The following COG5 variants were observed in gnomAD, a reference collection of about 807,000 sequenced individuals.
The protein encoded by COG5 is conserved oligomeric Golgi complex subunit 5.
In COG5, 86 loss-of-function variants were observed where a neutral mutation model predicts 110.4. That is an observed-to-expected ratio of 0.78 (90% CI 0.65 to 0.93). COG5 has a LOEUF of 0.93. Ranked by LOEUF, COG5 falls within the 40% of genes least tolerant of loss-of-function variation. The pLI is 0.00. For synonymous variants in COG5, 360 were observed against 334.6 expected (o/e 1.08, Z -0.83); for missense variants, 1,077 against 987.0 (o/e 1.09, Z -1.22).
chr7:107,400,188 AAGATACTTCCATAAGT>A (rs775551069), intron 7 of COG5, among the ~76,000 whole-genome samples: 2 of 152,200 alleles, frequency 1.3e-5, no homozygotes, highest in Non-Finnish European at 2.9e-5. Context: ...TGAACGTATA[AAGATACTTCCATAAGT>A]AATGACATAA....
chr7:107,377,096 T>C (rs1814700269), intron 7 of COG5, among the ~76,000 whole-genome samples: 1 of 152,148 alleles, frequency 6.6e-6, no homozygotes, highest in Non-Finnish European at 1.5e-5. Flanking sequence ...CAGGTACATA[T>C]GTTTGGTCCC....
intron 8 of COG5, among the ~76,000 whole-genome samples, chr7:107,367,816 A>G (rs917814566): frequency 2.6e-5 from 4 of 152,068 alleles, no homozygotes; most frequent in African/African-American, 9.7e-5. Context: ...GCTAAAAAAC[A>G]GCATATTAGT....
chr7:107,236,229 A>G (rs1041134557), intron 18 of COG5, among the ~76,000 whole-genome samples: 2 of 152,212 alleles, frequency 1.3e-5, no homozygotes, highest in African/African-American at 4.8e-5. Context: ...TTGAAATACC[A>G]AAGAGAGGGA....
chr7:107,468,858 T>C (rs1796459668), intron 6 of COG5, among the ~76,000 whole-genome samples: 1 of 152,236 alleles, frequency 6.6e-6, no homozygotes. Context: ...CCACATGTAA[T>C]GTCCTCTATT....
chr7:107,285,681 T>C lies in COG5; in HGVS notation c.1314-1949A>G, dbSNP rs528565170. ...CAAGTATTTCCTAGGTGCAGAAATA[T>C]AGTAGAGAACTTGCTTTAAAAAAAA... On this transcript the variant is annotated intron_variant, in intron 12 of 21. Transcript: ENST00000297135. 5.3e-5 allele frequency among the ~76,000 whole-genome samples: 8 copies of C among 151,972 alleles called. No individual in the cohort carries two copies. The South Asian group carries it at 1.0e-3, about 20-fold the overall frequency.
At chr7:107,352,548 C>T (rs569689727) in intron 10 of COG5, among the ~76,000 whole-genome samples, 7 of 143,924 alleles carry the variant, frequency 4.9e-5, no homozygotes, top group African/African-American at 1.5e-4. Context: ...CTGGTTTATC[C>T]CTATTCAATA....
At chr7:107,354,151 T>A (rs1289817633) in intron 10 of COG5, among the ~76,000 whole-genome samples, 1 of 152,220 alleles carries the variant, frequency 6.6e-6, no homozygotes, top group Non-Finnish European at 1.5e-5. Context: ...ATAACTCACT[T>A]TAGTAAAGTG....
At position 107,538,488 on chromosome 7, in the gene COG5, T is replaced by C. The variant is rs76173517; in HGVS notation, c.417+9623A>G. Among the ~76,000 whole-genome samples the C allele has an allele frequency of 9.2e-3, 1,408 of 152,260 alleles. 31 individuals carry two copies. The highest frequency in any genetic ancestry group is 0.031 in the African/African-American group (1,295 of 41,566). On this transcript the variant is annotated intron_variant, in intron 5 of 21. Transcript: ENST00000297135. ...TCTTTCGCCTATTAAACTTCCACTC[T>C]GAACATCACTATTTGTGTGTCTGCG...
At chr7:107,313,369 G>A (rs993410980) in intron 11 of COG5, among the ~76,000 whole-genome samples, 8 of 152,100 alleles carry the variant, frequency 5.3e-5, no homozygotes, top group African/African-American at 1.9e-4. Flanking sequence ...AGACAATACC[G>A]AATATTAACA....
At chr7:107,270,842 A>G (rs1423307308) in intron 14 of COG5, among the ~76,000 whole-genome samples, 1 of 131,922 alleles carries the variant, frequency 7.6e-6, no homozygotes, top group African/African-American at 2.8e-5. Context: ...ATTTTTCTAT[A>G]CTTGTGCTAA....
intron 7 of COG5, among the ~76,000 whole-genome samples, chr7:107,379,322 A>T (rs1043894640): frequency 6.6e-6 from 1 of 152,200 alleles, no homozygotes; most frequent in Non-Finnish European, 1.5e-5. Flanking sequence ...AAAACATACC[A>T]AATTGTGAAG....
chr7:107,385,805 CT>C (rs57758483), intron 7 of COG5, among the ~76,000 whole-genome samples: 11,142 of 122,232 alleles, frequency 0.091, 500 homozygotes, highest in Middle Eastern at 0.17. Flanking sequence ...TTGTTATTTT[CT>C]TTTTTTTTTT....
At chr7:107,214,256 A>G (rs1407006013) in intron 19 of COG5, among the ~76,000 whole-genome samples, 1 of 152,188 alleles carries the variant, frequency 6.6e-6, no homozygotes, top group African/African-American at 2.4e-5. Context: ...AAGAAATAAG[A>G]AACTTGTTAC....
chr7:107,326,319 A>C (rs1809762965), intron 10 of COG5, among the ~76,000 whole-genome samples: 1 of 152,178 alleles, frequency 6.6e-6, no homozygotes, highest in Non-Finnish European at 1.5e-5. Context: ...ACCAAGCAAG[A>C]AAAAGAAATA....
At chr7:107,535,599 A>C (rs1039675703) in intron 5 of COG5, among the ~76,000 whole-genome samples, 2 of 152,204 alleles carry the variant, frequency 1.3e-5, no homozygotes, top group African/African-American at 4.8e-5. Flanking sequence ...CACCCTCCCA[A>C]GACTAAACCA....
At chr7:107,497,824 G>T (rs1431897517) in intron 6 of COG5, among the ~76,000 whole-genome samples, 1 of 152,018 alleles carries the variant, frequency 6.6e-6, no homozygotes. Context: ...AGAAGACCCT[G>T]AATAGTCAAA....
intron 6 of COG5, among the ~76,000 whole-genome samples, chr7:107,424,303 G>A (rs1029468675): frequency 2.0e-5 from 3 of 151,896 alleles, no homozygotes; most frequent in Non-Finnish European, 2.9e-5. Context: ...AAAAAATGTA[G>A]GTTGGTGGTT....
intron 6 of COG5, among the ~76,000 whole-genome samples, chr7:107,415,940 G>A (rs868392669): frequency 2.0e-4 from 23 of 112,998 alleles, no homozygotes; most frequent in African/African-American, 6.8e-4. Context: ...ACACATACAC[G>A]TATGTATGTA....
At chr7:107,556,480 A>T (rs1475872485) in intron 2 of COG5, among the ~76,000 whole-genome samples, 1 of 152,212 alleles carries the variant, frequency 6.6e-6, no homozygotes, top group African/African-American at 2.4e-5. Flanking sequence ...TGCAGAGTAG[A>T]TGCTGCATAC....
Sources: gnomAD v4.1 joint callset for allele counts (sites outside exome capture counted in the v4.1 genomes callset) on GRCh38, gnomAD v4.1.1 for gene constraint, MANE v1.5 for transcripts, NCBI Gene and HGNC (gene_info 2026-07-23, HGNC 2026-07-21) for gene names.